Variants in ARHGEF37 observed in about 807,000 individuals in gnomAD.
ARHGEF37 encodes Rho guanine nucleotide exchange factor 37, also known as Rho guanine nucleotide exchange factor (GEF) 37.
A neutral mutation model predicts 71.1 loss-of-function variants in ARHGEF37; 55 were observed. The ratio of observed to expected loss-of-function variants is 0.77; its 90% CI spans 0.62 to 0.97. The LOEUF (loss-of-function observed/expected upper bound fraction) is 0.97. ARHGEF37 is among the 50% of genes least tolerant of loss of function. The pLI, the probability that ARHGEF37 is intolerant of heterozygous loss-of-function variation, is 0.00. For synonymous variants in ARHGEF37, 327 were observed against 350.6 expected, an observed-to-expected ratio of 0.93 and a Z score of 0.75; for missense variants, 765 against 836.8, an observed-to-expected ratio of 0.91 and a Z score of 1.06.
intron 1 of ARHGEF37, among the ~76,000 whole-genome samples, chr5:149,575,868 A>AC (rs1763022013): frequency 6.7e-6 from 1 of 148,856 alleles, no homozygotes; most frequent in Non-Finnish European, 1.5e-5. Flanking sequence ...AACAAGGTGA[A>AC]CCCCCTGCCG....
chr5:149,609,577 T>A lies in ARHGEF37; in HGVS notation c.340T>A (p.Leu114Met), dbSNP rs762602211. ...GNIFLEFQEE[L>M]EQVYKVYCAS... ...CATATTTCTGGAATTCCAAGAGGAG[T>A]TGGAGCAAGTCTATAAGGTCTACTG... Residue 114 changes from leucine to methionine, a missense_variant, in exon 4 of 13, where the codon TTG becomes ATG. This residue lies in a region of ARHGEF37 where 201 missense variants were observed against 217.5 expected (regional missense o/e 0.92). Coordinates refer to ENST00000333677, the MANE Select transcript of ARHGEF37 (RefSeq NM_001001669.3). The A allele has an allele frequency of 3.1e-6, 5 of 1,613,946 alleles. No individual in the cohort carries two copies. In the Admixed American group the frequency reaches 8.3e-5, roughly 27 times the overall value.
At position 149,605,264 on chromosome 5, in the gene ARHGEF37, C is replaced by T. The variant is rs961716893; in HGVS notation, c.310+4033C>T. Among the ~76,000 whole-genome samples the T allele has an allele frequency of 4.0e-5, 6 of 150,346 alleles. No individual in the cohort carries two copies. The East Asian group carries it at 7.8e-4, about 20-fold the overall frequency. On this transcript the variant is annotated intron_variant, in intron 3 of 12. Transcript: ENST00000333677. ...AAAGAAAAGAAAAAAAGAAATATAA[C>T]GTTAGCTGCAAATTTTTTAAATTTT...
At chr5:149,573,368 C>CTG (rs1218167087) in intron 1 of ARHGEF37, among the ~76,000 whole-genome samples, 1 of 152,202 alleles carries the variant, frequency 6.6e-6, no homozygotes, top group East Asian at 1.9e-4. Context: ...ATAAACCTCT[C>CTG]TGTGTGTGTA....
chr5:149,599,776 T>G (rs1411220229), intron 2 of ARHGEF37, among the ~76,000 whole-genome samples: 2 of 152,224 alleles, frequency 1.3e-5, no homozygotes, highest in Non-Finnish European at 2.9e-5. Context: ...AATATTTTGT[T>G]AAGTTGATTA....
At chr5:149,631,832 T>C in intron 12 of ARHGEF37, 150 bp from the exon 13 acceptor site, 1 of 706,978 alleles carries the variant, frequency 1.4e-6, no homozygotes, top group Non-Finnish European at 2.4e-6. Flanking sequence ...GTCATTGCCT[T>C]TAGTACAAAA....
intron 2 of ARHGEF37, among the ~76,000 whole-genome samples, chr5:149,600,609 G>A (rs1258549778): frequency 4.0e-5 from 6 of 151,708 alleles, no homozygotes; most frequent in Admixed American, 2.6e-4. Flanking sequence ...TACTCCGTCT[G>A]TTCCTCTCTT....
In ARHGEF37 at chr5:149,632,249, C is replaced by T. The variant is rs1019036086; in HGVS notation, c.*58C>T. On this transcript the variant is annotated 3_prime_UTR_variant, in exon 13 of 13. Coordinates refer to ENST00000333677, the MANE Select transcript of ARHGEF37 (RefSeq NM_001001669.3). ...ATGGGGGAGGCTTAGAGGCTCTGAC[C>T]CTGGGGGGAAAAGAAGCAAAGGAAA... 1.7e-5 allele frequency: 27 copies of T among 1,570,602 alleles called. No homozygotes were observed. The highest frequency in any genetic ancestry group is 3.4e-5 in the South Asian group (3 of 88,364).
At chr5:149,574,689 C>T (rs148560976) in intron 1 of ARHGEF37, among the ~76,000 whole-genome samples, 1 of 152,332 alleles carries the variant, frequency 6.6e-6, no homozygotes, top group Admixed American at 6.5e-5. Context: ...CCTTCACTTG[C>T]ATAGCACAGG....
intron 1 of ARHGEF37, among the ~76,000 whole-genome samples, chr5:149,560,321 T>C (rs1762812577): frequency 6.6e-6 from 1 of 152,030 alleles, no homozygotes; most frequent in Non-Finnish European, 1.5e-5. Flanking sequence ...TCCATGATGG[T>C]CAGGCTGGTC....
At chr5:149,568,203 A>G (rs1302223737) in intron 1 of ARHGEF37, among the ~76,000 whole-genome samples, 1 of 151,590 alleles carries the variant, frequency 6.6e-6, no homozygotes, top group Admixed American at 6.6e-5. Context: ...TTATTTGTTT[A>G]TTTTGTAGAG....
At chr5:149,629,350 A>G (rs1003572094) in intron 12 of ARHGEF37, among the ~76,000 whole-genome samples, 1 of 152,228 alleles carries the variant, frequency 6.6e-6, no homozygotes, top group Non-Finnish European at 1.5e-5. Flanking sequence ...TAGGGAAAAC[A>G]GTGATTAAGA....
chr5:149,563,946 ATTTTTTTTT>A (rs570750342), intron 1 of ARHGEF37, among the ~76,000 whole-genome samples: 1 of 124,866 alleles, frequency 8.0e-6, no homozygotes, highest in South Asian at 2.5e-4. Flanking sequence ...ATTAGTTTAA[ATTTTTTTTT>A]TTTTTTTTTT....
intron 1 of ARHGEF37, among the ~76,000 whole-genome samples, chr5:149,588,162 G>A (rs1340756648): frequency 1.3e-5 from 2 of 152,100 alleles, no homozygotes; most frequent in Non-Finnish European, 2.9e-5. Context: ...CTCCCAAAGT[G>A]CTGGGATTAC....
chr5:149,605,216 G>A (rs1406933838), intron 3 of ARHGEF37, among the ~76,000 whole-genome samples: 1 of 122,352 alleles, frequency 8.2e-6, no homozygotes, highest in South Asian at 2.7e-4. Flanking sequence ...AACAGAGCAA[G>A]ACTGCATCTC....
intron 2 of ARHGEF37, among the ~76,000 whole-genome samples, chr5:149,598,370 TCC>T (rs1257931876): frequency 9.1e-6 from 1 of 109,966 alleles, no homozygotes; most frequent in African/African-American, 3.1e-5. Context: ...TTCCTCTTCT[TCC>T]TCTTCCTCTT....
Position 149,632,467 on chromosome 5 carries a change from A to G in ARHGEF37, c.*276A>G. The G allele has an allele frequency of 4.3e-6, 2 of 463,030 alleles. No homozygotes were observed. The highest frequency in any genetic ancestry group is 8.0e-6 in the Non-Finnish European group (2 of 251,440). 28.7% of individuals were successfully genotyped at this position (463,030 alleles called of 1,614,324 possible). A position where few individuals can be genotyped will look rare whatever the true frequency, so the allele number is the denominator to read the frequency against. Reference sequence around the variant, plus strand: ...ACAATGCACTTGGACAGCAGGTCACAGCTGATTGGCCAGGACTCTCCATAG... The same window carrying G: ...ACAATGCACTTGGACAGCAGGTCACGGCTGATTGGCCAGGACTCTCCATAG... On this transcript the variant is annotated 3_prime_UTR_variant, in exon 13 of 13. Coordinates refer to ENST00000333677, the MANE Select transcript of ARHGEF37 (RefSeq NM_001001669.3).
chr5:149,628,915 A>T lies in ARHGEF37; in HGVS notation c.1767A>T (p.Leu589=). ...QAGLNKDPRC[L]TPEPSPALVP... The stretch of plus-strand genomic sequence containing the variant: ...GGCTGAACAAAGACCCCCGATGTCT[A>T]ACACCGGAGCCCAGCCCAGCTCTAG... The change falls in exon 12 of 13, where the codon CTA becomes CTT. Residue 589 remains leucine, a synonymous_variant. Transcript: ENST00000333677. 6.2e-7 allele frequency: 1 copy of T among 1,613,298 alleles called. No homozygotes were observed. Among genetic ancestry groups the T allele is most frequent in the Non-Finnish European group, 8.5e-7 (1 of 1,180,000 alleles).
Position 149,633,945 on chromosome 5 carries a change from A to G in ARHGEF37, c.*1754A>G, listed in dbSNP as rs947075053. On this transcript the variant is annotated 3_prime_UTR_variant, in exon 13 of 13. Transcript: ENST00000333677. ...ATTCTCTCTGCTCTTTCCTGCTCAG[A>G]TTTCTGATAAAAATAGAGAGCATAG... 1 of 152,176 alleles carries G rather than the reference A, an allele frequency of 6.6e-6. No homozygotes were observed. Among genetic ancestry groups the G allele is most frequent in the Admixed American group, 6.5e-5 (1 of 15,280 alleles). 9.4% of individuals were successfully genotyped at this position (152,176 alleles called of 1,614,324 possible). A position where few individuals can be genotyped will look rare whatever the true frequency, so the allele number is the denominator to read the frequency against.
At chr5:149,620,698 G>T (rs1269232795) in intron 8 of ARHGEF37, among the ~76,000 whole-genome samples, 1 of 151,958 alleles carries the variant, frequency 6.6e-6, no homozygotes, top group African/African-American at 2.4e-5. Context: ...GGGCATGGCA[G>T]TGTGCACCTG....
Sources: allele counts gnomAD v4.1 joint callset (sites outside exome capture counted in the v4.1 genomes callset), GRCh38; gene constraint gnomAD v4.1.1; regional missense constraint gnomAD v4.1.1; transcripts MANE v1.5; gene names NCBI Gene and HGNC (gene_info 2026-07-23, HGNC 2026-07-21).